EEA1: variants seen among roughly 807,000 people sequenced by gnomAD.
EEA1 encodes early endosome antigen 1, also known as early endosome antigen 1, 162kD.
Under a neutral mutation model 209.2 loss-of-function variants are expected in EEA1, and 111 were observed. That is an observed-to-expected ratio of 0.53 (90% CI 0.45 to 0.62). The LOEUF (loss-of-function observed/expected upper bound fraction) is 0.62. Ranked by LOEUF, EEA1 falls within the 20% of genes least tolerant of loss-of-function variation. The pLI, the probability that EEA1 is intolerant of heterozygous loss-of-function variation, is 0.00. For synonymous variants in EEA1, 536 were observed against 540.6 expected (o/e 0.99, Z 0.12); for missense variants, 1,343 against 1,530.8 (o/e 0.88, Z 2.05).
chr12:92,863,694 A>C (rs1878247151), intron 3 of EEA1, among the ~76,000 whole-genome samples: 1 of 152,262 alleles, frequency 6.6e-6, no homozygotes, highest in Non-Finnish European at 1.5e-5. Flanking sequence ...AGTAATAGAT[A>C]ATCAAAACAG....
intron 11 of EEA1, among the ~76,000 whole-genome samples, chr12:92,830,220 T>C (rs957860638): frequency 6.6e-6 from 1 of 152,148 alleles, no homozygotes; most frequent in Non-Finnish European, 1.5e-5. Context: ...GTTTGTTATA[T>C]AGGTAAATTA....
chr12:92,916,004 C>A (rs919343306), intron 1 of EEA1, among the ~76,000 whole-genome samples: 1 of 151,916 alleles, frequency 6.6e-6, no homozygotes, highest in Non-Finnish European at 1.5e-5. Context: ...GTTCCTAGTA[C>A]CTAAATTGAG....
intron 2 of EEA1, among the ~76,000 whole-genome samples, chr12:92,890,710 C>T (rs1444426317): frequency 6.6e-6 from 1 of 152,102 alleles, no homozygotes. Flanking sequence ...GAAACTTGTT[C>T]TTAATAAAGT....
chr12:92,851,665 A>G (rs1466560247), intron 8 of EEA1, among the ~76,000 whole-genome samples: 2 of 152,168 alleles, frequency 1.3e-5, no homozygotes, highest in Non-Finnish European at 2.9e-5. Context: ...GATGTAGTTA[A>G]TTTATATATT....
intron 13 of EEA1, among the ~76,000 whole-genome samples, chr12:92,825,218 G>A (rs138399412): frequency 3.0e-3 from 454 of 152,148 alleles, no homozygotes; most frequent in African/African-American, 0.01. Context: ...TCGGGAGGAC[G>A]AGGCAGGCGG....
chr12:92,870,888 G>A (rs1427432064), intron 2 of EEA1, among the ~76,000 whole-genome samples: 3 of 151,946 alleles, frequency 2.0e-5, no homozygotes, highest in Non-Finnish European at 1.5e-5. Flanking sequence ...TGTTGGCCAG[G>A]CTGGTCTCAA....
At chr12:92,783,989 T>C (rs937366576) in intron 22 of EEA1, among the ~76,000 whole-genome samples, 1 of 152,220 alleles carries the variant, frequency 6.6e-6, no homozygotes, top group Non-Finnish European at 1.5e-5. Context: ...CCTGAAAGTT[T>C]ACTTCTTACC....
intron 2 of EEA1, chr12:92,883,901 G>A (rs1259025049): frequency 1.3e-6 from 2 of 1,586,274 alleles, no homozygotes; most frequent in African/African-American, 1.3e-5. Flanking sequence ...CTCACGGACT[G>A]TGTGGTAATG....
chr12:92,787,248 G>T (rs569520505), intron 22 of EEA1, among the ~76,000 whole-genome samples: 1 of 152,102 alleles, frequency 6.6e-6, no homozygotes, highest in East Asian at 1.9e-4. Context: ...TCCTCTGTGA[G>T]AGAACACAAA....
At chr12:92,926,492 T>C (rs1016157485) in intron 1 of EEA1, among the ~76,000 whole-genome samples, 1 of 152,214 alleles carries the variant, frequency 6.6e-6, no homozygotes, top group Non-Finnish European at 1.5e-5. Context: ...TAATAAAATA[T>C]ATATTCTACC....
At chr12:92,833,517 G>C (rs1876759529) in intron 10 of EEA1, among the ~76,000 whole-genome samples, 1 of 152,058 alleles carries the variant, frequency 6.6e-6, no homozygotes, top group Non-Finnish European at 1.5e-5. Flanking sequence ...TAATGTCAAA[G>C]CCTGGTCTCA....
At chr12:92,830,923 G>A (rs1876596947) in intron 11 of EEA1, among the ~76,000 whole-genome samples, 1 of 152,186 alleles carries the variant, frequency 6.6e-6, no homozygotes, top group South Asian at 2.1e-4. Context: ...TTGTTACAGT[G>A]GTTTAAGAGT....
intron 22 of EEA1, among the ~76,000 whole-genome samples, chr12:92,785,792 G>C (rs1222852381): frequency 2.6e-5 from 4 of 152,134 alleles, no homozygotes; most frequent in Non-Finnish European, 5.9e-5. Context: ...TGGAATAGAG[G>C]ATCTATCCAA....
At chr12:92,839,310 TACAG>T (rs1205623309) in intron 10 of EEA1, among the ~76,000 whole-genome samples, 34 of 152,312 alleles carry the variant, frequency 2.2e-4, no homozygotes, top group Non-Finnish European at 4.7e-4. Flanking sequence ...ATTTTAATGT[TACAG>T]TGTACAAAAA....
chr12:92,832,367 C>T (rs1300800893), intron 11 of EEA1, 145 bp downstream of exon 11: 13 of 713,594 alleles, frequency 1.8e-5, no homozygotes, highest in Non-Finnish European at 2.6e-5. Flanking sequence ...GATCTGACAA[C>T]ACTACAGGAT....
At chr12:92,860,717 G>C (rs1321652170) in intron 3 of EEA1, among the ~76,000 whole-genome samples, 1 of 152,118 alleles carries the variant, frequency 6.6e-6, no homozygotes, top group East Asian at 1.9e-4. Flanking sequence ...AGCTGACTTA[G>C]CTGGTGTGAT....
At chr12:92,843,701 T>C (rs1175167898) in intron 9 of EEA1, among the ~76,000 whole-genome samples, 1 of 152,190 alleles carries the variant, frequency 6.6e-6, no homozygotes. Context: ...CGGCTTTACT[T>C]TCCACTTTAT....
chr12:92,852,525 C>T (rs531120859), intron 7 of EEA1, among the ~76,000 whole-genome samples: 3 of 152,078 alleles, frequency 2.0e-5, no homozygotes, highest in Non-Finnish European at 4.4e-5. Context: ...TTTTAATGTA[C>T]TTAATCACAT....
Position 92,778,103 on chromosome 12 carries a change from G to C in EEA1, c.3731C>G (p.Thr1244Arg). The change falls in exon 26 of 29, where the codon ACA (threonine) becomes AGA (arginine). Residue 1244 changes from threonine to arginine, a missense_variant. Thr to Arg is a moderately conservative substitution (Grantham distance 71). This residue lies in a region of EEA1 where 1,307 missense variants were observed against 1,465.5 expected (regional missense o/e 0.89). Transcript: ENST00000322349. ...ENEAKLTMQI[T>R]ALNENLGTVK... Reference sequence around the variant, plus strand: ...AGTGCCTAAGTTTTCATTTAATGCTGTAATCTGCATGGTAAGTTTAGCCTC... The same window carrying C: ...AGTGCCTAAGTTTTCATTTAATGCTCTAATCTGCATGGTAAGTTTAGCCTC... 1 of 1,613,362 alleles carries C rather than the reference G, an allele frequency of 6.2e-7. No homozygotes were observed. The highest frequency in any genetic ancestry group is 1.1e-5 in the South Asian group (1 of 91,058).
Sources: gnomAD v4.1 joint callset for allele counts (sites outside exome capture counted in the v4.1 genomes callset) on GRCh38, gnomAD v4.1.1 for gene constraint, gnomAD v4.1.1 regional missense constraint, MANE v1.5 for transcripts, NCBI Gene and HGNC (gene_info 2026-07-23, HGNC 2026-07-21) for gene names.